SLC15A1: variants seen among roughly 807,000 people sequenced by gnomAD.
SLC15A1 encodes Caco-2 oligopeptide transporter.
Under a neutral mutation model 92.9 loss-of-function variants are expected in SLC15A1, and 83 were observed. That is an observed-to-expected ratio of 0.89 (90% CI 0.75 to 1.07). The LOEUF (loss-of-function observed/expected upper bound fraction) is 1.07. Ranked by LOEUF, SLC15A1 falls within the 50% of genes least tolerant of loss-of-function variation. The pLI is 0.00. For missense variants in SLC15A1, 857 were observed against 880.1 expected, an observed-to-expected ratio of 0.97 and a Z score of 0.33; for synonymous variants, 322 against 318.2, an observed-to-expected ratio of 1.01 and a Z score of -0.13.
At chr13:98,691,234 G>A (rs1039571385) in intron 18 of SLC15A1, among the ~76,000 whole-genome samples, 1 of 151,970 alleles carries the variant, frequency 6.6e-6, no homozygotes, top group Non-Finnish European at 1.5e-5. Flanking sequence ...TAGTAGAGAG[G>A]GGATGTGTTA....
At chr13:98,736,774 A>C (rs1400938553) in intron 1 of SLC15A1, among the ~76,000 whole-genome samples, 2 of 152,264 alleles carry the variant, frequency 1.3e-5, no homozygotes, top group Non-Finnish European at 2.9e-5. Context: ...AGAGAAATGC[A>C]AATCAAAACC....
At position 98,718,300 on chromosome 13, in the gene SLC15A1, CTTTTTTTTTTTTTTTT is replaced by C. The variant is rs532286337; in HGVS notation, c.640+921_640+936del. On this transcript the variant is annotated intron_variant, in intron 8 of 22. Coordinates refer to ENST00000376503, the MANE Select transcript of SLC15A1 (RefSeq NM_005073.4). ...ATCCAGCAGATTCTATCACCTTCAT[CTTTTTTTTTTTTTTTT>C]TTTTTTTTTTTTTTTTTTTTTGAGA... Among the ~76,000 whole-genome samples the C allele has an allele frequency of 1.9e-3, 157 of 84,130 alleles. 2 individuals carry two copies. Among genetic ancestry groups the C allele is most frequent in the African/African-American group, 9.1e-3 (134 of 14,646 alleles). 55.2% of individuals were successfully genotyped at this position (84,130 alleles called of 152,430 possible).
intron 18 of SLC15A1, among the ~76,000 whole-genome samples, chr13:98,693,390 G>A (rs956971376): frequency 3.9e-5 from 6 of 152,166 alleles, no homozygotes; most frequent in East Asian, 1.9e-4. Flanking sequence ...GAGCCACTGC[G>A]ACTGGCCTAT....
At chr13:98,714,551 A>G (rs572964754) in intron 9 of SLC15A1, among the ~76,000 whole-genome samples, 1 of 147,630 alleles carries the variant, frequency 6.8e-6, no homozygotes, top group South Asian at 2.2e-4. Flanking sequence ...GCTACTTGGT[A>G]GGCCGAGGCA....
intron 7 of SLC15A1, chr13:98,720,884 A>G (rs1421867548): frequency 2.9e-6 from 1 of 347,864 alleles, no homozygotes; most frequent in East Asian, 7.4e-5. Flanking sequence ...TCCCATCTCT[A>G]CTAAAAATAC....
intron 1 of SLC15A1, among the ~76,000 whole-genome samples, chr13:98,751,273 A>G (rs374768865): frequency 7.2e-5 from 11 of 152,346 alleles, no homozygotes; most frequent in African/African-American, 2.6e-4. Flanking sequence ...GAACGCATCA[A>G]TTCATTTGGA....
intron 11 of SLC15A1, among the ~76,000 whole-genome samples, 188 bp downstream of exon 11, chr13:98,711,661 TTTTGG>T (rs1405827900): frequency 1.8e-4 from 19 of 106,082 alleles, no homozygotes; most frequent in Non-Finnish European, 6.4e-5. Flanking sequence ...CTAGAATTGC[TTTTGG>T]TTTTGTTTTG....
At chr13:98,692,624 G>C (rs113522936) in intron 18 of SLC15A1, among the ~76,000 whole-genome samples, 3,022 of 152,246 alleles carry the variant, frequency 0.02, 43 homozygotes, top group Middle Eastern at 0.051. Flanking sequence ...ATATACCCAG[G>C]AGTGAAACTG....
At position 98,752,633 on chromosome 13, in the gene SLC15A1, C is replaced by T. The variant is rs1182672618; in HGVS notation, c.-35G>A. ...TCCCAGGGCTCCTGCGACCTGCCGG[C>T]GGGACGTGCTCCTGGCAGGTGCTAC... On this transcript the variant is annotated 5_prime_UTR_variant, in exon 1 of 23. Transcript: ENST00000376503. The T allele has an allele frequency of 4.8e-6, 6 of 1,251,246 alleles. No homozygotes were observed. Among genetic ancestry groups the T allele is most frequent in the East Asian group, 3.2e-5 (1 of 31,714 alleles). 77.5% of individuals were successfully genotyped at this position (1,251,246 alleles called of 1,614,324 possible).
chr13:98,727,371 G>A (rs964941566), intron 1 of SLC15A1, among the ~76,000 whole-genome samples: 3 of 152,074 alleles, frequency 2.0e-5, no homozygotes, highest in African/African-American at 7.2e-5. Flanking sequence ...TCTCTGATGT[G>A]CCTACATCAC....
intron 21 of SLC15A1, among the ~76,000 whole-genome samples, chr13:98,687,033 G>T (rs1157572097): frequency 6.7e-6 from 1 of 148,944 alleles, no homozygotes; most frequent in East Asian, 2.0e-4. Context: ...CTGCTGCCTC[G>T]GACTCCTGGG....
chr13:98,719,568 G>A (rs1236238351), intron 7 of SLC15A1, among the ~76,000 whole-genome samples: 1 of 152,098 alleles, frequency 6.6e-6, no homozygotes, highest in African/African-American at 2.4e-5. Context: ...CAAAATCAGC[G>A]GCCCCCTCTT....
intron 17 of SLC15A1, 25 bp downstream of exon 17, chr13:98,704,260 GAGTC>G (rs2088093179): frequency 3.2e-6 from 5 of 1,539,740 alleles, no homozygotes; most frequent in Non-Finnish European, 4.4e-6. Flanking sequence ...AAATAGCAAA[GAGTC>G]AGCTGTAGGT....
Position 98,689,955 on chromosome 13 carries a change from A to G in SLC15A1, c.1467-1378T>C, listed in dbSNP as rs572616884. On this transcript the variant is annotated intron_variant, in intron 18 of 22. Coordinates refer to ENST00000376503, the MANE Select transcript of SLC15A1 (RefSeq NM_005073.4). Reference sequence around the variant, plus strand: ...GAATTGTTTGCCTTCATAGGACCATACAGATGGTGAACAGCACGGATGGCT... The same window carrying G: ...GAATTGTTTGCCTTCATAGGACCATGCAGATGGTGAACAGCACGGATGGCT... 7.9e-5 allele frequency among the ~76,000 whole-genome samples: 12 copies of G among 152,314 alleles called. No individual in the cohort carries two copies. The East Asian group carries it at 2.3e-3, about 29-fold the overall frequency.
intron 1 of SLC15A1, among the ~76,000 whole-genome samples, chr13:98,745,836 G>C (rs1446743760): frequency 1.8e-5 from 2 of 111,860 alleles, no homozygotes; most frequent in African/African-American, 6.2e-5. Context: ...TAGGTGTCTT[G>C]ATGTATTTTT....
At chr13:98,731,331 G>C (rs952412572) in intron 1 of SLC15A1, among the ~76,000 whole-genome samples, 2 of 152,210 alleles carry the variant, frequency 1.3e-5, no homozygotes, top group African/African-American at 4.8e-5. Context: ...GGGCTGGTCG[G>C]GCAAGCGTGT....
chr13:98,741,274 G>A (rs1406139878), intron 1 of SLC15A1, among the ~76,000 whole-genome samples: 1 of 152,178 alleles, frequency 6.6e-6, no homozygotes, highest in Admixed American at 6.5e-5. Flanking sequence ...AGGCATAGCC[G>A]GCACCCAGGC....
chr13:98,723,673 G>C (rs2088276999), intron 5 of SLC15A1, among the ~76,000 whole-genome samples: 2 of 152,130 alleles, frequency 1.3e-5, no homozygotes, highest in South Asian at 2.1e-4. Context: ...ACTTCACATG[G>C]GATATGATGG....
chr13:98,688,646 A>C, intron 18 of SLC15A1, 69 bp from the exon 19 acceptor site: 2 of 1,144,320 alleles, frequency 1.7e-6, no homozygotes, highest in Non-Finnish European at 2.6e-6. Context: ...CAGTACATGC[A>C]CCTGAAGTTG....
Sources: allele counts gnomAD v4.1 joint callset (sites outside exome capture counted in the v4.1 genomes callset), GRCh38; gene constraint gnomAD v4.1.1; transcripts MANE v1.5; gene names NCBI Gene and HGNC (gene_info 2026-07-23, HGNC 2026-07-21).